MGAT5: variants seen among roughly 807,000 people sequenced by gnomAD.
The protein encoded by MGAT5 is alpha-1,6-mannosylglycoprotein 6-beta-N-acetylglucosaminyltransferase A.
A neutral mutation model predicts 94.3 loss-of-function variants in MGAT5; 30 were observed. The ratio of observed to expected loss-of-function variants is 0.32; its 90% CI spans 0.24 to 0.43. The LOEUF (loss-of-function observed/expected upper bound fraction) is 0.43, where lower values mean the gene tolerates loss of function less well. Among genes scored for constraint, MGAT5 ranks in the 20% least tolerant of loss-of-function variants. The pLI is 1.00. For synonymous variants in MGAT5, 310 were observed against 322.9 expected (o/e 0.96, Z 0.43); for missense variants, 691 against 905.5 (o/e 0.76, Z 3.04).
At chr2:134,143,872 C>T (rs749946832) in intron 1 of MGAT5, among the ~76,000 whole-genome samples, 3 of 152,002 alleles carry the variant, frequency 2.0e-5, no homozygotes, top group East Asian at 1.9e-4. Context: ...TCTGTTACCA[C>T]GTAAGGATTT....
chr2:134,157,927 G>C (rs1295012298), intron 1 of MGAT5, among the ~76,000 whole-genome samples: 2 of 152,190 alleles, frequency 1.3e-5, no homozygotes, highest in East Asian at 3.9e-4. Flanking sequence ...CCACAGGCAG[G>C]GTGTCCTGAC....
intron 2 of MGAT5, among the ~76,000 whole-genome samples, chr2:134,278,998 G>A (rs774700668): frequency 2.6e-5 from 4 of 152,164 alleles, no homozygotes; most frequent in Non-Finnish European, 4.4e-5. Context: ...TTCACAGCCA[G>A]TCTGTAAGCT....
chr2:134,220,136 G>A (rs991558468), intron 1 of MGAT5, among the ~76,000 whole-genome samples: 1 of 152,192 alleles, frequency 6.6e-6, no homozygotes, highest in Non-Finnish European at 1.5e-5. Flanking sequence ...GGCTCAGAAT[G>A]GTAAGTAGGA....
intron 1 of MGAT5, among the ~76,000 whole-genome samples, chr2:134,200,628 C>T (rs1573851784): frequency 6.6e-6 from 1 of 152,318 alleles, no homozygotes; most frequent in East Asian, 1.9e-4. Flanking sequence ...TAGTTGAGCA[C>T]TTAGTGTGCC....
intron 1 of MGAT5, among the ~76,000 whole-genome samples, chr2:134,203,150 G>C (rs1427521197): frequency 6.6e-6 from 1 of 152,190 alleles, no homozygotes; most frequent in Non-Finnish European, 1.5e-5. Flanking sequence ...CATGGTAGTT[G>C]TATTCTGGGA....
At chr2:134,239,712 T>A (rs1681866719) in intron 1 of MGAT5, among the ~76,000 whole-genome samples, 1 of 151,992 alleles carries the variant, frequency 6.6e-6, no homozygotes, top group Non-Finnish European at 1.5e-5. Context: ...AGGATGTGGA[T>A]GGATCTAGGG....
chr2:134,407,327 C>T (rs111833494), intron 11 of MGAT5, among the ~76,000 whole-genome samples: 1,937 of 152,288 alleles, frequency 0.013, 48 homozygotes, highest in African/African-American at 0.044. Flanking sequence ...TCCTAGTGAG[C>T]ATACTTCAAG....
At chr2:134,180,150 AT>A (rs1558972968) in intron 1 of MGAT5, among the ~76,000 whole-genome samples, 1 of 152,336 alleles carries the variant, frequency 6.6e-6, no homozygotes, top group South Asian at 2.1e-4. Context: ...TTAGTATATA[AT>A]CAAGAAATAA....
At chr2:134,260,309 G>A (rs891315472) in intron 1 of MGAT5, among the ~76,000 whole-genome samples, 2 of 152,204 alleles carry the variant, frequency 1.3e-5, no homozygotes, top group East Asian at 1.9e-4. Flanking sequence ...AGGCACACAC[G>A]CCGGTTGGAG....
rs564809620 is a variant in MGAT5, at chr2:134,386,501, A to G, written c.1381-16487A>G. Reference sequence around the variant, plus strand: ...CTGCTTTAGTGGTCTGTTATTAGGGACTCCAGCTGCTTCTGTCTTTCAACT... The same window carrying G: ...CTGCTTTAGTGGTCTGTTATTAGGGGCTCCAGCTGCTTCTGTCTTTCAACT... On this transcript the variant is annotated intron_variant, in intron 10 of 15. Transcript: ENST00000281923. Among the ~76,000 whole-genome samples the G allele has an allele frequency of 1.1e-3, 166 of 152,070 alleles. No homozygotes were observed. The Middle Eastern group carries it at 0.014, about 12-fold the overall frequency.
intron 1 of MGAT5, among the ~76,000 whole-genome samples, chr2:134,175,042 G>A (rs1293523320): frequency 6.6e-6 from 1 of 152,190 alleles, no homozygotes. Flanking sequence ...CTGGCCCATG[G>A]GCAGGGTGGG....
intron 1 of MGAT5, among the ~76,000 whole-genome samples, chr2:134,192,473 A>C (rs1679273944): frequency 6.6e-6 from 1 of 152,156 alleles, no homozygotes; most frequent in Admixed American, 6.6e-5. Flanking sequence ...ATATCTTGCT[A>C]GCTATATCTT....
chr2:134,327,201 A>G (rs1687693005), intron 4 of MGAT5, among the ~76,000 whole-genome samples: 1 of 152,142 alleles, frequency 6.6e-6, no homozygotes, highest in African/African-American at 2.4e-5. Context: ...TTGAGACATG[A>G]AGCAGGGGCG....
At chr2:134,411,475 A>T (rs772377595) in intron 11 of MGAT5, among the ~76,000 whole-genome samples, 2 of 152,174 alleles carry the variant, frequency 1.3e-5, no homozygotes, top group Non-Finnish European at 2.9e-5. Flanking sequence ...ACGAAAATTT[A>T]TTCTTTCAAA....
chr2:134,160,896 TG>T (rs1687704080), intron 1 of MGAT5, among the ~76,000 whole-genome samples: 1 of 152,252 alleles, frequency 6.6e-6, no homozygotes, highest in South Asian at 2.1e-4. Context: ...ATGGTCCAGC[TG>T]CTCTGCCATG....
intron 9 of MGAT5, among the ~76,000 whole-genome samples, chr2:134,353,039 A>G (rs1679487072): frequency 6.6e-6 from 1 of 152,188 alleles, no homozygotes; most frequent in Non-Finnish European, 1.5e-5. Context: ...GTGGTTACCA[A>G]GTTGGGAGGA....
chr2:134,292,039 T>C (rs1685400036), intron 2 of MGAT5, among the ~76,000 whole-genome samples: 1 of 152,132 alleles, frequency 6.6e-6, no homozygotes. Context: ...TTTTTTTTTG[T>C]TTAGAGATGG....
intron 2 of MGAT5, among the ~76,000 whole-genome samples, chr2:134,289,907 T>C (rs576584225): frequency 6.6e-6 from 1 of 152,342 alleles, no homozygotes; most frequent in African/African-American, 2.4e-5. Context: ...ATGCACCTTT[T>C]TCCTTTCCTG....
At chr2:134,226,575 T>G (rs1318180614) in intron 1 of MGAT5, among the ~76,000 whole-genome samples, 2 of 152,208 alleles carry the variant, frequency 1.3e-5, no homozygotes, top group African/African-American at 4.8e-5. Flanking sequence ...TTTTGGAAGT[T>G]CATTCTCTGA....
Sources: gnomAD v4.1 joint callset for allele counts (sites outside exome capture counted in the v4.1 genomes callset) on GRCh38, gnomAD v4.1.1 for gene constraint, MANE v1.5 for transcripts, NCBI Gene and HGNC (gene_info 2026-07-23, HGNC 2026-07-21) for gene names.